Variants in FAM240B observed in about 807,000 individuals in gnomAD.
FAM240B encodes protein FAM240B.
intron 2 of FAM240B, among the ~76,000 whole-genome samples, chr9:38,699,472 G>C (rs931130756): frequency 2.0e-5 from 3 of 152,188 alleles, no homozygotes; most frequent in Admixed American, 6.5e-5. Context: ...TCTGTGAAAA[G>C]AGAGGGGGGA....
chr9:38,716,946 T>C (rs1351992704), intron 1 of FAM240B, among the ~76,000 whole-genome samples: 1 of 152,194 alleles, frequency 6.6e-6, no homozygotes, highest in Non-Finnish European at 1.5e-5. Flanking sequence ...ATGTCCCACA[T>C]TCCTGCCCCA....
chr9:38,704,695 C>A (rs1351802617), intron 1 of FAM240B, among the ~76,000 whole-genome samples: 1 of 152,190 alleles, frequency 6.6e-6, no homozygotes, highest in Admixed American at 6.5e-5. Flanking sequence ...CTCTTTCCAT[C>A]CTTCCTCACA....
intron 1 of FAM240B, among the ~76,000 whole-genome samples, chr9:38,708,884 G>T (rs1473660507): frequency 6.6e-6 from 1 of 152,164 alleles, no homozygotes; most frequent in Non-Finnish European, 1.5e-5. Context: ...CTCTGTTGCT[G>T]GGCTGTAAGA....
At chr9:38,711,641 C>G (rs1587593516) in intron 1 of FAM240B, among the ~76,000 whole-genome samples, 1 of 143,796 alleles carries the variant, frequency 7.0e-6, no homozygotes, top group Non-Finnish European at 1.5e-5. Context: ...CTCCCTCCCT[C>G]CCTCTCTCTT....
intron 1 of FAM240B, among the ~76,000 whole-genome samples, chr9:38,707,839 C>T (rs1821208980): frequency 6.6e-6 from 1 of 151,276 alleles, no homozygotes; most frequent in South Asian, 2.1e-4. Context: ...GGAAATCAGG[C>T]TATGAAGTAT....
In FAM240B at chr9:38,699,998, CG is replaced by C. The variant is rs1821107416; in HGVS notation, c.143+3858del. On this transcript the variant is annotated intron_variant, in intron 2 of 2. Transcript: ENST00000637493. ...ATTGTTTTTTCATAGTGGGAAGAGGCGGGCCTGAGTCTGGTTTCCCTGTGGC... is the reference window on the plus strand; with the variant it reads ...ATTGTTTTTTCATAGTGGGAAGAGGCGGCCTGAGTCTGGTTTCCCTGTGGC... Among the ~76,000 whole-genome samples, 3 of 152,256 alleles carry C rather than the reference CG, an allele frequency of 2.0e-5. No homozygotes were observed. The South Asian group carries it at 6.2e-4, about 32-fold the overall frequency.
At chr9:38,712,259 A>T (rs1456230552) in intron 1 of FAM240B, among the ~76,000 whole-genome samples, 1 of 152,194 alleles carries the variant, frequency 6.6e-6, no homozygotes, top group Non-Finnish European at 1.5e-5. Context: ...CAAGTCATGA[A>T]AGAGGGACAC....
chr9:38,707,240 T>A (rs575757314), intron 1 of FAM240B, among the ~76,000 whole-genome samples: 1 of 152,294 alleles, frequency 6.6e-6, no homozygotes, highest in East Asian at 1.9e-4. Context: ...AAATTGATAA[T>A]GAACATTTTA....
intron 1 of FAM240B, among the ~76,000 whole-genome samples, chr9:38,715,195 A>G (rs1821293559): frequency 6.6e-6 from 1 of 152,242 alleles, no homozygotes; most frequent in Non-Finnish European, 1.5e-5. Flanking sequence ...TCCTGGAGCC[A>G]GCAGCGTCCT....
chr9:38,708,358 G>A (rs1198738529), intron 1 of FAM240B, among the ~76,000 whole-genome samples: 1 of 152,082 alleles, frequency 6.6e-6, no homozygotes, highest in African/African-American at 2.4e-5. Context: ...TACCACTCTG[G>A]CTGTTCAGGC....
At position 38,710,210 on chromosome 9, in the gene FAM240B, C is replaced by T. The variant is rs566357728; in HGVS notation, c.-3-6208G>A. Among the ~76,000 whole-genome samples, 9 of 152,282 alleles carry T rather than the reference C, an allele frequency of 5.9e-5. No homozygotes were observed. The South Asian group carries it at 6.2e-4, about 11-fold the overall frequency. On this transcript the variant is annotated intron_variant, in intron 1 of 2. Coordinates refer to ENST00000637493, the MANE Select transcript of FAM240B (RefSeq NM_001394922.1). ...GTCTCAGTCTCTTGACCTCGTGATC[C>T]GCCTGCCTCGGCCTCCCAAAGTGCT...
intron 1 of FAM240B, among the ~76,000 whole-genome samples, chr9:38,709,627 G>C (rs1821229063): frequency 6.6e-6 from 1 of 152,330 alleles, no homozygotes; most frequent in South Asian, 2.1e-4. Context: ...TGGTCGGGAA[G>C]AAGGGAAAGC....
chr9:38,705,373 A>AG (rs1276789232), intron 1 of FAM240B: 2 of 152,412 alleles, frequency 1.3e-5, no homozygotes, highest in Non-Finnish European at 2.9e-5. Context: ...GCGGATCACG[A>AG]GGTCAGGAGA....
In FAM240B at chr9:38,694,451, A is replaced by G. The variant is rs989383051; in HGVS notation, c.*325T>C. ...CTTCAAATGTCTCAAGACTTGAAAC[A>G]TTTCAAAATGACAAGGAAATGTGGA... On this transcript the variant is annotated 3_prime_UTR_variant, in exon 3 of 3. Coordinates refer to ENST00000637493, the MANE Select transcript of FAM240B (RefSeq NM_001394922.1). 1.9e-5 allele frequency: 4 copies of G among 213,564 alleles called. No homozygotes were observed. The highest frequency in any genetic ancestry group is 9.1e-5 in the African/African-American group (4 of 43,940). 13.2% of individuals were successfully genotyped at this position (213,564 alleles called of 1,614,324 possible).
At chr9:38,704,223 T>C (rs1821163253) in intron 1 of FAM240B, among the ~76,000 whole-genome samples, 1 of 152,130 alleles carries the variant, frequency 6.6e-6, no homozygotes, top group Admixed American at 6.6e-5. Context: ...ATGAAAAATT[T>C]TGAATTAGAC....
chr9:38,712,613 G>A (rs1821268913), intron 1 of FAM240B, among the ~76,000 whole-genome samples: 1 of 152,144 alleles, frequency 6.6e-6, no homozygotes, highest in South Asian at 2.1e-4. Context: ...GTCCAGACCT[G>A]CTGATTTCAC....
At chr9:38,701,848 C>A (rs1821131232) in intron 2 of FAM240B, among the ~76,000 whole-genome samples, 1 of 152,100 alleles carries the variant, frequency 6.6e-6, no homozygotes, top group African/African-American at 2.4e-5. Context: ...ATTTTTATAA[C>A]TTATTTTTTA....
intron 1 of FAM240B, among the ~76,000 whole-genome samples, chr9:38,718,021 G>A (rs1167526734): frequency 6.6e-6 from 1 of 152,202 alleles, no homozygotes; most frequent in Non-Finnish European, 1.5e-5. Flanking sequence ...GCGTACGTAT[G>A]TGTACAAAAT....
In FAM240B at chr9:38,694,642, T is replaced by C. The variant is rs1409929836; in HGVS notation, c.*134A>G. ...CATTAGCACTGGGGGAGGTTTCACA[T>C]GTAAATCCCCTAGCAAATGGAAGCA... On this transcript the variant is annotated 3_prime_UTR_variant, in exon 3 of 3. Transcript: ENST00000637493. 2 of 395,288 alleles carry C rather than the reference T, an allele frequency of 5.1e-6. No individual in the cohort carries two copies. Among genetic ancestry groups the C allele is most frequent in the African/African-American group, 4.1e-5 (2 of 48,560 alleles). 24.5% of individuals were successfully genotyped at this position (395,288 alleles called of 1,614,324 possible). A position where few individuals can be genotyped will look rare whatever the true frequency, so the allele number is the denominator to read the frequency against.
Sources: allele counts gnomAD v4.1 joint callset (sites outside exome capture counted in the v4.1 genomes callset), GRCh38; gene constraint gnomAD v4.1.1; transcripts MANE v1.5; gene names NCBI Gene and HGNC (gene_info 2026-07-23, HGNC 2026-07-21).